The following RGS12 variants were observed in gnomAD, a reference collection of about 807,000 sequenced individuals.
RGS12 encodes regulator of G protein signaling 12.
A neutral mutation model predicts 120.1 loss-of-function variants in RGS12; 66 were observed. The observed-to-expected ratio is 0.55, with a 90% CI of 0.45 to 0.67. The LOEUF is 0.67. Ranked by LOEUF, RGS12 falls within the 30% of genes least tolerant of loss-of-function variation. The probability of loss-of-function intolerance (pLI) is 0.00; values close to 1 mark genes in which losing one functional copy is unlikely to be tolerated. For synonymous variants in RGS12, 827 were observed against 804.7 expected (o/e 1.03, Z -0.47); for missense variants, 1,859 against 1,957.7 (o/e 0.95, Z 0.95).
chr4:3,293,514 G>T (rs1472509707), intron 1 of RGS12, among the ~76,000 whole-genome samples: 2 of 152,038 alleles, frequency 1.3e-5, no homozygotes, highest in Non-Finnish European at 2.9e-5. Flanking sequence ...CGGACTCCAC[G>T]AGCGGCCGCT....
intron 1 of RGS12, among the ~76,000 whole-genome samples, chr4:3,313,988 TA>T (rs1560650256): frequency 6.6e-6 from 1 of 151,880 alleles, no homozygotes; most frequent in Non-Finnish European, 1.5e-5. Flanking sequence ...ATTTATTTTT[TA>T]ATGATGATTT....
chr4:3,431,030 T>G, intron 17 of RGS12, 75 bp downstream of exon 17: 1 of 1,544,090 alleles, frequency 6.5e-7, no homozygotes, highest in Non-Finnish European at 8.7e-7. Flanking sequence ...GAAAGGACAG[T>G]GGGCCCCCGG....
intron 3 of RGS12, among the ~76,000 whole-genome samples, chr4:3,363,022 G>C (rs921566145): frequency 6.6e-6 from 1 of 150,856 alleles, no homozygotes; most frequent in South Asian, 2.1e-4. Context: ...TGAGTGCATG[G>C]CAAGGCCATT....
intron 16 of RGS12, 84 bp downstream of exon 16, chr4:3,428,795 T>G (rs932162778): frequency 8.0e-7 from 1 of 1,244,764 alleles, no homozygotes; most frequent in Non-Finnish European, 1.1e-6. Flanking sequence ...CTTTGAGCTG[T>G]CAGCATCTGG....
chr4:3,420,832 A>G, intron 10 of RGS12, 114 bp downstream of exon 10: 1 of 962,028 alleles, frequency 1.0e-6, no homozygotes, highest in Non-Finnish European at 1.6e-6. Context: ...TTCACTTTGT[A>G]AAGCTGGGGG....
intron 4 of RGS12, 111 bp downstream of exon 4, chr4:3,386,548 C>T (rs1262791329): frequency 1.1e-6 from 1 of 943,192 alleles, no homozygotes. Context: ...TTTGCCTTTC[C>T]CTGTCTCCTT....
At chr4:3,417,235 T>A (rs535038418) in intron 8 of RGS12, 143 bp downstream of exon 8, 1 of 1,299,932 alleles carries the variant, frequency 7.7e-7, no homozygotes, top group African/African-American at 1.5e-5. Flanking sequence ...CCAGCTGCTG[T>A]CTGGAGTCCT....
intron 17 of RGS12, among the ~76,000 whole-genome samples, chr4:3,432,462 C>T (rs1724405226): frequency 6.6e-6 from 1 of 152,220 alleles, no homozygotes; most frequent in South Asian, 2.1e-4. Flanking sequence ...CCCGCACCCA[C>T]ACCCCGGCCC....
chr4:3,439,598 C>T lies in RGS12; in HGVS notation c.4258C>T (p.Pro1420Ser), dbSNP rs1480016334. The stretch of plus-strand genomic sequence containing the variant: ...GAGGTCGCAGGCCAGTGGTGGGCCT[C>T]CTACATCAGACCTCCCTGGCTTGGG... ...PGRSQASGGP[P>S]TSDLPGLGPV... Residue 1420 changes from proline (P) to serine (S), a missense_variant, in exon 18 of 18, where the codon CCT becomes TCT. By Grantham distance (74) the Pro-to-Ser change is moderately conservative. Around this residue, in one of 3 missense-constraint regions of RGS12, gnomAD observed 517 missense variants for 488.5 expected, o/e 1.06. Transcript: ENST00000336727. 2 of 1,609,520 alleles carry T rather than the reference C, an allele frequency of 1.2e-6. No individual in the cohort carries two copies. Among genetic ancestry groups the T allele is most frequent in the African/African-American group, 2.7e-5 (2 of 75,044 alleles).
chr4:3,339,943 C>T (rs999193416), intron 2 of RGS12, among the ~76,000 whole-genome samples: 1 of 152,226 alleles, frequency 6.6e-6, no homozygotes, highest in African/African-American at 2.4e-5. Context: ...CAGCCTTAAT[C>T]TCACAAAGCC....
chr4:3,439,125 G>A (rs1159578291), intron 17 of RGS12, among the ~76,000 whole-genome samples: 1 of 152,022 alleles, frequency 6.6e-6, no homozygotes, highest in Non-Finnish European at 1.5e-5. Flanking sequence ...AGGAATTAGG[G>A]GGGCAGTTGG....
rs1722530910 is a variant in RGS12 at position 3,417,451 on chromosome 4, A to G, written c.2671A>G (p.Lys891Glu). 1 of 1,612,292 alleles carries G rather than the reference A, an allele frequency of 6.2e-7. No individual in the cohort carries two copies. Among genetic ancestry groups the G allele is most frequent in the Non-Finnish European group, 8.5e-7 (1 of 1,179,046 alleles). ...AGAGCTGGGGGATGAGGACAGCGAG[A>G]AGAAGCGGAAAGGCGCGTTTTTCTC... The part of the protein sequence containing the change: ...NEELGDEDSE[K>E]KRKGAFFSWS... Residue 891 changes from lysine to glutamate, a missense_variant, in exon 9 of 18, where the codon AAG becomes GAG. Around this residue, in one of 3 missense-constraint regions of RGS12, gnomAD observed 375 missense variants for 475.0 expected, o/e 0.79. Transcript: ENST00000336727.
chr4:3,415,009 GCGTGTGTGAGAGGGGCGTGTGAGAGGGA>G (rs1722206990), intron 6 of RGS12, among the ~76,000 whole-genome samples, 165 bp downstream of exon 6: 1 of 147,034 alleles, frequency 6.8e-6, no homozygotes, highest in African/African-American at 2.5e-5. Context: ...CGTGTGAGGG[GCGTGTGTGAGAGGGGCGTGTGAGAGGGA>G]CGTGTGAGAG....
At chr4:3,318,107 A>T in intron 2 of RGS12, 56 bp downstream of exon 2, 1 of 1,347,072 alleles carries the variant, frequency 7.4e-7, no homozygotes, top group Non-Finnish European at 1.0e-6. Context: ...CTTAGCAGTC[A>T]CGGGGAGGTG....
At chr4:3,414,493 G>T (rs553812722) in intron 5 of RGS12, 1 of 595,954 alleles carries the variant, frequency 1.7e-6, no homozygotes, top group East Asian at 2.8e-5. Flanking sequence ...TCTGCAGCCC[G>T]CAGCACTGGA....
In RGS12 at chr4:3,370,158, C is replaced by T. The variant is rs139315580; in HGVS notation, c.1999-16258C>T. The T allele has an allele frequency of 9.4e-3, 14,695 of 1,556,358 alleles. 71 individuals are homozygous for T. The highest frequency in any genetic ancestry group is 0.011 in the Non-Finnish European group (13,060 of 1,144,324). ...CTGTTGCCATGGGTTACGAAGGGAGCGAGAGGGAACTTCATCGGAAATGCC... is the reference window on the plus strand; with the variant it reads ...CTGTTGCCATGGGTTACGAAGGGAGTGAGAGGGAACTTCATCGGAAATGCC... On this transcript the variant is annotated intron_variant, in intron 3 of 17. Coordinates refer to ENST00000336727, the MANE Select transcript of RGS12 (RefSeq NM_001394154.1).
At chr4:3,428,742 T>G in intron 16 of RGS12, 31 bp downstream of exon 16, 2 of 1,556,486 alleles carry the variant, frequency 1.3e-6, no homozygotes, top group Non-Finnish European at 1.7e-6. Context: ...TTCCACGTTT[T>G]TAGTAAATGC....
At chr4:3,380,024 G>A (rs138561421) in intron 3 of RGS12, among the ~76,000 whole-genome samples, 6 of 152,342 alleles carry the variant, frequency 3.9e-5, no homozygotes, top group African/African-American at 1.4e-4. Flanking sequence ...GACAAGGCAA[G>A]TCCCTTCTGT....
At chr4:3,342,477 T>C in intron 2 of RGS12, 1 of 1,289,274 alleles carries the variant, frequency 7.8e-7, no homozygotes. Flanking sequence ...TAGGGATTCT[T>C]TCATTTCCTA....
Sources: gnomAD v4.1 joint callset for allele counts (sites outside exome capture counted in the v4.1 genomes callset) on GRCh38, gnomAD v4.1.1 for gene constraint, gnomAD v4.1.1 regional missense constraint, MANE v1.5 for transcripts, NCBI Gene and HGNC (gene_info 2026-07-23, HGNC 2026-07-21) for gene names.